Variants in ADGRL2 observed in about 807,000 individuals in gnomAD.
ADGRL2 encodes adhesion G protein-coupled receptor L2.
ADGRL2 carries 44 observed loss-of-function variants against 157.4 expected under a neutral mutation model. That is an observed-to-expected ratio of 0.28 (90% CI 0.22 to 0.36). The LOEUF (loss-of-function observed/expected upper bound fraction) is 0.36. ADGRL2 is among the 10% of genes least tolerant of loss of function. The probability of loss-of-function intolerance (pLI) is 1.00; values close to 1 mark genes in which losing one functional copy is unlikely to be tolerated. For synonymous variants in ADGRL2, 585 were observed against 624.7 expected, an observed-to-expected ratio of 0.94 and a Z score of 0.95; for missense variants, 1,510 against 1,768.9, an observed-to-expected ratio of 0.85 and a Z score of 2.63.
intron 1 of ADGRL2, among the ~76,000 whole-genome samples, chr1:81,728,738 T>C (rs1038676066): frequency 6.6e-5 from 10 of 152,144 alleles, no homozygotes; most frequent in Admixed American, 2.6e-4. Flanking sequence ...ACTCAATCTC[T>C]CTGTCTCTCT....
chr1:81,910,357 G>A (rs2094691728), intron 3 of ADGRL2, among the ~76,000 whole-genome samples: 1 of 151,348 alleles, frequency 6.6e-6, no homozygotes, highest in Non-Finnish European at 1.5e-5. Flanking sequence ...TGAGTTGAAA[G>A]GTAAACTCAT....
intron 1 of ADGRL2, among the ~76,000 whole-genome samples, chr1:81,415,558 A>G (rs1467980018): frequency 6.6e-6 from 1 of 152,228 alleles, no homozygotes; most frequent in Non-Finnish European, 1.5e-5. Context: ...GTTGGTAAAG[A>G]GTTGAGTACA....
intron 2 of ADGRL2, among the ~76,000 whole-genome samples, chr1:81,530,792 T>A (rs10493694): frequency 0.75 from 114,259 of 152,032 alleles, 43,475 homozygotes; most frequent in East Asian, 0.9. Flanking sequence ...GTTTAGAAAG[T>A]TAAATACCTG....
chr1:81,599,002 T>C (rs1200572058), intron 3 of ADGRL2, among the ~76,000 whole-genome samples: 1 of 152,212 alleles, frequency 6.6e-6, no homozygotes, highest in Non-Finnish European at 1.5e-5. Context: ...CCATTGTATA[T>C]ATAGGGTAGC....
chr1:81,511,625 T>C (rs1479530783), intron 2 of ADGRL2, among the ~76,000 whole-genome samples: 1 of 152,166 alleles, frequency 6.6e-6, no homozygotes, highest in East Asian at 1.9e-4. Flanking sequence ...AAATTAGTAA[T>C]CTCACTTTTT....
intron 1 of ADGRL2, among the ~76,000 whole-genome samples, chr1:81,319,632 G>T (rs1434947833): frequency 6.6e-6 from 1 of 152,158 alleles, no homozygotes; most frequent in African/African-American, 2.4e-5. Flanking sequence ...CTAGTGAATG[G>T]TTCTATAAAG....
At chr1:81,342,868 C>A (rs879777257) in intron 1 of ADGRL2, among the ~76,000 whole-genome samples, 11 of 152,040 alleles carry the variant, frequency 7.2e-5, no homozygotes, top group Non-Finnish European at 1.5e-4. Flanking sequence ...TTTCTCTTTG[C>A]AAAGTTCAGC....
chr1:81,353,967 T>C (rs1570702752), intron 1 of ADGRL2, among the ~76,000 whole-genome samples: 2 of 152,130 alleles, frequency 1.3e-5, no homozygotes, highest in South Asian at 2.1e-4. Context: ...TAGGTGACTA[T>C]AGAATGACTA....
chr1:81,782,520 T>A (rs2086858722), intron 2 of ADGRL2, among the ~76,000 whole-genome samples: 1 of 152,232 alleles, frequency 6.6e-6, no homozygotes, highest in South Asian at 2.1e-4. Context: ...TTACACCCAG[T>A]GAGCCTATTC....
chr1:81,357,541 C>A (rs753692199), intron 1 of ADGRL2, among the ~76,000 whole-genome samples: 3 of 151,804 alleles, frequency 2.0e-5, no homozygotes, highest in South Asian at 2.1e-4. Context: ...AGTGTGATAT[C>A]ATGGAAAAAA....
At chr1:81,815,523 A>G (rs1024902332) in intron 1 of ADGRL2, among the ~76,000 whole-genome samples, 9 of 151,860 alleles carry the variant, frequency 5.9e-5, no homozygotes, top group Non-Finnish European at 1.3e-4. Flanking sequence ...TCAAGAATAC[A>G]TTCCAAAAGC....
chr1:81,431,232 T>C (rs2077314422), intron 1 of ADGRL2, among the ~76,000 whole-genome samples: 1 of 152,154 alleles, frequency 6.6e-6, no homozygotes, highest in African/African-American at 2.4e-5. Flanking sequence ...TGGGAGCTGC[T>C]TTTTATTTTT....
At chr1:81,653,069 T>A (rs1435473575) in intron 3 of ADGRL2, among the ~76,000 whole-genome samples, 1 of 152,198 alleles carries the variant, frequency 6.6e-6, no homozygotes, top group African/African-American at 2.4e-5. Flanking sequence ...CTCCTTTAAA[T>A]TGGTAGTTAA....
chr1:81,678,984 A>T (rs987578465), intron 3 of ADGRL2, among the ~76,000 whole-genome samples: 3 of 152,172 alleles, frequency 2.0e-5, no homozygotes, highest in Non-Finnish European at 4.4e-5. Flanking sequence ...TAAAGCTGCT[A>T]TTATTCAGCA....
intron 10 of ADGRL2, 41 bp from the exon 11 acceptor site, chr1:81,955,835 TA>T: frequency 1.5e-6 from 2 of 1,376,028 alleles, no homozygotes; most frequent in Non-Finnish European, 2.0e-6. Context: ...ACTTTGGTTC[TA>T]AAAGCGGTCA....
At chr1:81,723,456 T>G (rs2084404618) in intron 1 of ADGRL2, among the ~76,000 whole-genome samples, 1 of 152,222 alleles carries the variant, frequency 6.6e-6, no homozygotes, top group Non-Finnish European at 1.5e-5. Context: ...AATTCTTATA[T>G]TTTTCTTTAC....
At chr1:81,747,176 C>CATATATGTATGTGTGTATGTATGT (rs2085316259) in intron 1 of ADGRL2, among the ~76,000 whole-genome samples, 1 of 122,606 alleles carries the variant, frequency 8.2e-6, no homozygotes, top group Non-Finnish European at 1.8e-5. Flanking sequence ...TGTATATATA[C>CATATATGTATGTGTGTATGTATGT]ATATATGTAT....
intron 1 of ADGRL2, among the ~76,000 whole-genome samples, chr1:81,721,162 G>A (rs1194216097): frequency 6.7e-5 from 10 of 149,390 alleles, no homozygotes; most frequent in East Asian, 2.0e-4. Context: ...GTGAGCCACC[G>A]CACCCCGCCA....
intron 1 of ADGRL2, among the ~76,000 whole-genome samples, chr1:81,433,892 A>C (rs934828407): frequency 1.3e-5 from 2 of 152,186 alleles, no homozygotes; most frequent in African/African-American, 4.8e-5. Context: ...AATATGATTC[A>C]TTCACATGCT....
Sources: allele counts gnomAD v4.1 joint callset (sites outside exome capture counted in the v4.1 genomes callset), GRCh38; gene constraint gnomAD v4.1.1; transcripts MANE v1.5; gene names NCBI Gene and HGNC (gene_info 2026-07-23, HGNC 2026-07-21).